ERBB4: variants seen among roughly 807,000 people sequenced by gnomAD.
ERBB4 encodes the protein erb-b2 receptor tyrosine kinase 4.
ERBB4 carries 42 observed loss-of-function variants against 158.0 expected under a neutral mutation model. That is an observed-to-expected ratio of 0.27 (90% CI 0.21 to 0.34). The LOEUF (loss-of-function observed/expected upper bound fraction) is 0.34. ERBB4 is among the 10% of genes least tolerant of loss of function. The probability of loss-of-function intolerance (pLI) is 1.00; values close to 1 mark genes in which losing one functional copy is unlikely to be tolerated. For synonymous variants in ERBB4, 583 were observed against 558.7 expected (o/e 1.04, Z -0.61); for missense variants, 1,333 against 1,624.1 (o/e 0.82, Z 3.08).
chr2:212,013,408 C>T (rs937131387), intron 2 of ERBB4, among the ~76,000 whole-genome samples: 1 of 152,138 alleles, frequency 6.6e-6, no homozygotes, highest in African/African-American at 2.4e-5. Flanking sequence ...TATCATAAGA[C>T]ACTGTTTTAA....
intron 1 of ERBB4, among the ~76,000 whole-genome samples, chr2:212,535,256 G>T (rs984259983): frequency 6.6e-6 from 1 of 151,864 alleles, no homozygotes; most frequent in Non-Finnish European, 1.5e-5. Context: ...ATATATATGA[G>T]AATTTCAAAT....
intron 12 of ERBB4, among the ~76,000 whole-genome samples, chr2:211,689,060 G>C (rs4315465): frequency 0.16 from 24,553 of 152,024 alleles, 2,498 homozygotes; most frequent in African/African-American, 0.29. Flanking sequence ...TTGATGTTTT[G>C]CTTGGGAATG....
At chr2:211,558,186 C>T (rs1395303493) in intron 20 of ERBB4, among the ~76,000 whole-genome samples, 2 of 152,168 alleles carry the variant, frequency 1.3e-5, no homozygotes, top group Non-Finnish European at 2.9e-5. Context: ...ATCAGTTTCA[C>T]CAGGCTATAA....
intron 4 of ERBB4, 116 bp downstream of exon 4, chr2:211,787,909 A>C (rs2076202248): frequency 1.0e-6 from 1 of 989,958 alleles, no homozygotes; most frequent in Admixed American, 1.9e-5. Context: ...ATAACTGAAC[A>C]TTTCAATGAA....
At chr2:212,183,907 C>T (rs967005325) in intron 1 of ERBB4, among the ~76,000 whole-genome samples, 1 of 152,004 alleles carries the variant, frequency 6.6e-6, no homozygotes. Context: ...AAGGTCTATT[C>T]TTTTTCATTT....
At chr2:212,051,736 T>A (rs1177265760) in intron 2 of ERBB4, among the ~76,000 whole-genome samples, 10 of 152,228 alleles carry the variant, frequency 6.6e-5, no homozygotes, top group Admixed American at 6.5e-4. Flanking sequence ...ATTTTGATTT[T>A]CTTTCACTCA....
intron 1 of ERBB4, among the ~76,000 whole-genome samples, chr2:212,142,611 A>C (rs1053248835): frequency 2.7e-5 from 4 of 147,692 alleles, no homozygotes; most frequent in African/African-American, 9.8e-5. Context: ...TAATATTAAA[A>C]TATATATATA....
At chr2:211,765,348 G>A (rs992950242) in intron 4 of ERBB4, among the ~76,000 whole-genome samples, 1 of 152,118 alleles carries the variant, frequency 6.6e-6, no homozygotes, top group African/African-American at 2.4e-5. Flanking sequence ...TGGTAGGAGG[G>A]ATAGGAAGAG....
intron 1 of ERBB4, among the ~76,000 whole-genome samples, chr2:212,459,118 C>T (rs1467557886): frequency 6.6e-6 from 1 of 152,064 alleles, no homozygotes; most frequent in Non-Finnish European, 1.5e-5. Context: ...GGCCATATAT[C>T]TGAAGGCTTT....
intron 3 of ERBB4, among the ~76,000 whole-genome samples, chr2:211,864,184 C>G (rs1454301998): frequency 6.6e-6 from 1 of 152,230 alleles, no homozygotes; most frequent in Non-Finnish European, 1.5e-5. Context: ...TGTTCTGGCA[C>G]TGGCCCTTTT....
At position 212,327,863 on chromosome 2, in the gene ERBB4, G is replaced by GTTA. The variant is rs1553618547; in HGVS notation, c.83-202963_83-202961dup. Among the ~76,000 whole-genome samples, 281 of 149,604 alleles carry GTTA rather than the reference G, an allele frequency of 1.9e-3. 4 individuals are homozygous for GTTA. The highest frequency in any genetic ancestry group is 6.6e-3 in the African/African-American group (270 of 40,876). ...TATATGTAAAGTATTCCTCCAAAAAGTTATTTTTTAATTTTTGAAAAAAAA... is the reference window on the plus strand; with the variant it reads ...TATATGTAAAGTATTCCTCCAAAAAGTTATTATTTTTTAATTTTTGAAAAAAAA... On this transcript the variant is annotated intron_variant, in intron 1 of 27. Transcript: ENST00000342788.
At chr2:211,585,939 T>C (rs1203879770) in intron 19 of ERBB4, among the ~76,000 whole-genome samples, 1 of 152,176 alleles carries the variant, frequency 6.6e-6, no homozygotes, top group African/African-American at 2.4e-5. Flanking sequence ...TTACTGAGAT[T>C]GGGATTATCA....
At chr2:211,894,345 G>T (rs1444956792) in intron 3 of ERBB4, among the ~76,000 whole-genome samples, 1 of 148,254 alleles carries the variant, frequency 6.7e-6, no homozygotes, top group African/African-American at 2.5e-5. Flanking sequence ...CTCACTCATA[G>T]TTGGGAATTG....
At chr2:211,612,194 T>C (rs536622130) in intron 19 of ERBB4, among the ~76,000 whole-genome samples, 7 of 151,746 alleles carry the variant, frequency 4.6e-5, no homozygotes, top group African/African-American at 1.7e-4. Flanking sequence ...TGGGCTGGTA[T>C]AGAGAGGATG....
intron 2 of ERBB4, among the ~76,000 whole-genome samples, chr2:212,092,044 C>G (rs960173973): frequency 6.6e-6 from 1 of 152,124 alleles, no homozygotes; most frequent in East Asian, 1.9e-4. Context: ...TAGGGAACCT[C>G]TGTGACCTTG....
intron 1 of ERBB4, among the ~76,000 whole-genome samples, chr2:212,275,847 C>A (rs149717086): frequency 3.3e-5 from 5 of 151,730 alleles, no homozygotes; most frequent in Non-Finnish European, 5.9e-5. Context: ...TAAATTTAAA[C>A]GGGCTAAATG....
At chr2:211,385,824 GA>G (rs2062673071) in intron 27 of ERBB4, among the ~76,000 whole-genome samples, 1 of 152,116 alleles carries the variant, frequency 6.6e-6, no homozygotes, top group Non-Finnish European at 1.5e-5. Context: ...AATCTCCCCA[GA>G]AAAGATTCTT....
At chr2:211,483,153 T>A (rs535822642) in intron 20 of ERBB4, among the ~76,000 whole-genome samples, 1 of 151,450 alleles carries the variant, frequency 6.6e-6, no homozygotes, top group Non-Finnish European at 1.5e-5. Context: ...AATAGAGAAA[T>A]AGGAACCATC....
At chr2:211,665,097 G>T (rs1280699262) in intron 15 of ERBB4, among the ~76,000 whole-genome samples, 1 of 152,156 alleles carries the variant, frequency 6.6e-6, no homozygotes, top group African/African-American at 2.4e-5. Context: ...CTTCATGAAG[G>T]TGTTAATAGA....
Sources: allele counts gnomAD v4.1 joint callset (sites outside exome capture counted in the v4.1 genomes callset), GRCh38; gene constraint gnomAD v4.1.1; transcripts MANE v1.5; gene names NCBI Gene and HGNC (gene_info 2026-07-23, HGNC 2026-07-21).